NLN: variants seen among roughly 807,000 people sequenced by gnomAD.
NLN encodes neurolysin.
A neutral mutation model predicts 79.9 loss-of-function variants in NLN; 64 were observed. The observed-to-expected ratio is 0.80, with a 90% CI of 0.65 to 0.99. The LOEUF (loss-of-function observed/expected upper bound fraction) is 0.99, where lower values mean the gene tolerates loss of function less well. Among genes scored for constraint, NLN ranks in the 50% least tolerant of loss-of-function variants. The probability of loss-of-function intolerance (pLI) is 0.00; values close to 1 mark genes in which losing one functional copy is unlikely to be tolerated. For synonymous variants in NLN, 267 were observed against 296.6 expected, an observed-to-expected ratio of 0.90 and a Z score of 1.02; for missense variants, 835 against 858.7, an observed-to-expected ratio of 0.97 and a Z score of 0.34.
At chr5:65,768,035 A>G (rs252624) in intron 3 of NLN, among the ~76,000 whole-genome samples, 85,444 of 151,930 alleles carry the variant, frequency 0.56, 24,352 homozygotes, top group South Asian at 0.6. Flanking sequence ...CATTCAGTAA[A>G]TCTAGGAAGT....
intron 12 of NLN, among the ~76,000 whole-genome samples, chr5:65,813,581 C>T (rs1760602852): frequency 6.6e-6 from 1 of 152,104 alleles, no homozygotes; most frequent in African/African-American, 2.4e-5. Context: ...TCCAAGTTCC[C>T]ACCACCTCTC....
At chr5:65,802,719 G>A (rs1005334956) in intron 9 of NLN, among the ~76,000 whole-genome samples, 5 of 152,164 alleles carry the variant, frequency 3.3e-5, no homozygotes, top group African/African-American at 4.8e-5. Flanking sequence ...TAGAGGAGAC[G>A]CACAATGGGT....
chr5:65,793,186 ATTTTT>A (rs1389363297), intron 9 of NLN: 2 of 195,176 alleles, frequency 1.0e-5, no homozygotes, highest in Non-Finnish European at 1.1e-5. Flanking sequence ...ATTAAAACTG[ATTTTT>A]TTATTTCTGA....
chr5:65,781,530 T>C (rs539249819), intron 6 of NLN, 109 bp downstream of exon 6: 16 of 778,454 alleles, frequency 2.1e-5, no homozygotes, highest in African/African-American at 1.6e-4. Flanking sequence ...TTCCTGTGTG[T>C]GCACTGTATC....
At chr5:65,804,651 C>T (rs1035510283) in intron 9 of NLN, among the ~76,000 whole-genome samples, 1 of 152,178 alleles carries the variant, frequency 6.6e-6, no homozygotes, top group African/African-American at 2.4e-5. Context: ...GTCTCAGCCT[C>T]CTAAGTAGCT....
intron 12 of NLN, among the ~76,000 whole-genome samples, chr5:65,821,308 T>C (rs1760791272): frequency 6.6e-6 from 1 of 152,192 alleles, no homozygotes; most frequent in East Asian, 1.9e-4. Flanking sequence ...AAGACTATTT[T>C]ATGCTCTGGG....
intron 9 of NLN, among the ~76,000 whole-genome samples, chr5:65,798,202 A>C (rs1347820942): frequency 6.6e-6 from 1 of 152,150 alleles, no homozygotes; most frequent in African/African-American, 2.4e-5. Flanking sequence ...ACATTCATTC[A>C]TTTTTATCTT....
chr5:65,798,649 G>T (rs1442691686), intron 9 of NLN, among the ~76,000 whole-genome samples: 1 of 152,082 alleles, frequency 6.6e-6, no homozygotes, highest in Non-Finnish European at 1.5e-5. Context: ...AACATCAGAT[G>T]TAATTTCTTT....
chr5:65,726,832 A>G (rs902864271), intron 1 of NLN, among the ~76,000 whole-genome samples: 4 of 152,222 alleles, frequency 2.6e-5, no homozygotes, highest in African/African-American at 4.8e-5. Context: ...AGTATCTTCC[A>G]AAAGAGTTCA....
intron 1 of NLN, among the ~76,000 whole-genome samples, chr5:65,729,857 A>C (rs1466163960): frequency 6.6e-6 from 1 of 152,232 alleles, no homozygotes; most frequent in South Asian, 2.1e-4. Flanking sequence ...TATTGAATAC[A>C]TATGTAAATG....
At chr5:65,804,935 C>T (rs1325435470) in intron 9 of NLN, among the ~76,000 whole-genome samples, 1 of 152,166 alleles carries the variant, frequency 6.6e-6, no homozygotes, top group Non-Finnish European at 1.5e-5. Context: ...GCAAGTCTGT[C>T]AGTGCAATTT....
intron 3 of NLN, among the ~76,000 whole-genome samples, chr5:65,768,196 C>A (rs252625): frequency 0.43 from 65,104 of 151,966 alleles, 14,478 homozygotes; most frequent in South Asian, 0.49. Context: ...CTGTATCAGT[C>A]CATTCTCACA....
Position 65,822,842 on chromosome 5 carries a change from T to C in NLN, c.2042T>C (p.Met681Thr). Residue 681 changes from methionine to threonine, a missense_variant, in exon 13 of 13, where the codon ATG (methionine) becomes ACG (threonine). Physicochemically the swap from Met to Thr is moderately conservative, Grantham distance 81. Coordinates refer to ENST00000380985, the MANE Select transcript of NLN (RefSeq NM_020726.5). ...KPGGSLDGMDMLHNFLKREPN... is the reference protein window; with the variant it reads ...KPGGSLDGMDTLHNFLKREPN... ...GGGGGATCTCTGGACGGCATGGACA[T>C]GCTCCACAATTTCTTGAAACGTGAG... 2 of 1,612,022 alleles carry C rather than the reference T, an allele frequency of 1.2e-6. No homozygotes were observed. Among genetic ancestry groups the C allele is most frequent in the Non-Finnish European group, 1.7e-6 (2 of 1,178,074 alleles).
chr5:65,825,539 T>A lies in NLN; in HGVS notation c.*2624T>A, dbSNP rs1760899098. The A allele has an allele frequency of 6.6e-6, 1 of 152,226 alleles. No homozygotes were observed. The highest frequency in any genetic ancestry group is 6.5e-5 in the Admixed American group (1 of 15,278). 9.4% of individuals were successfully genotyped at this position (152,226 alleles called of 1,614,324 possible). A position where few individuals can be genotyped will look rare whatever the true frequency, so the allele number is the denominator to read the frequency against. ...AATGTCTTGACGTTTTGCCACCTGA[T>A]GTAGACTTTGTCCCCCTCTAGTATA... On this transcript the variant is annotated 3_prime_UTR_variant, in exon 13 of 13. Transcript: ENST00000380985.
chr5:65,792,514 T>C lies in NLN; in HGVS notation c.1386T>C (p.Asp462=). The C allele has an allele frequency of 6.2e-7, 1 of 1,614,164 alleles. No individual in the cohort carries two copies. Among genetic ancestry groups the C allele is most frequent in the Non-Finnish European group, 8.5e-7 (1 of 1,179,998 alleles). Residue 462 remains aspartate (D), a synonymous_variant, in exon 9 of 13, where the codon GAT becomes GAC. Coordinates refer to ENST00000380985, the MANE Select transcript of NLN (RefSeq NM_020726.5). ...TCCAGCCTGGCTGCCTTCTGCCTGA[T>C]GGAAGCCGGATGATGGCAGTGGCTG... ...FGLQPGCLLP[D]GSRMMAVAAL...
intron 4 of NLN, among the ~76,000 whole-genome samples, chr5:65,779,275 C>T (rs1759747295): frequency 1.3e-5 from 2 of 152,148 alleles, no homozygotes; most frequent in African/African-American, 4.8e-5. Flanking sequence ...GATGCTGATG[C>T]TCCTAGCCAG....
intron 3 of NLN, among the ~76,000 whole-genome samples, chr5:65,767,135 GC>G (rs1377081610): frequency 1.3e-5 from 2 of 152,240 alleles, no homozygotes; most frequent in Non-Finnish European, 1.5e-5. Context: ...ACTAGGCAGT[GC>G]CCTAGTGGGG....
intron 3 of NLN, among the ~76,000 whole-genome samples, chr5:65,763,763 G>A (rs1283835420): frequency 1.3e-5 from 2 of 151,260 alleles, no homozygotes; most frequent in Non-Finnish European, 2.9e-5. Context: ...CTTTTTAGCA[G>A]ACCGTGACAA....
At chr5:65,814,130 A>G (rs562164260) in intron 12 of NLN, among the ~76,000 whole-genome samples, 6 of 152,244 alleles carry the variant, frequency 3.9e-5, no homozygotes, top group African/African-American at 1.4e-4. Context: ...TTCTTTTCAC[A>G]GCCTAATTTC....
Sources: gnomAD v4.1 joint callset for allele counts (sites outside exome capture counted in the v4.1 genomes callset) on GRCh38, gnomAD v4.1.1 for gene constraint, MANE v1.5 for transcripts, NCBI Gene and HGNC (gene_info 2026-07-23, HGNC 2026-07-21) for gene names.